Variants in RHOT1 observed in about 807,000 individuals in gnomAD.
The protein encoded by RHOT1 is ras homolog family member T1.
RHOT1 carries 27 observed loss-of-function variants against 95.3 expected under a neutral mutation model. The ratio of observed to expected loss-of-function variants is 0.28; its 90% confidence interval spans 0.21 to 0.39. The LOEUF is 0.39. RHOT1 is among the 10% of genes least tolerant of loss of function. RHOT1 has a pLI of 1.00. For missense variants in RHOT1, 578 were observed against 786.7 expected (o/e 0.73, Z 3.17); for synonymous variants, 227 against 263.5 (o/e 0.86, Z 1.34).
At chr17:32,215,040 G>T (rs1305067713) in intron 19 of RHOT1, among the ~76,000 whole-genome samples, 2 of 151,196 alleles carry the variant, frequency 1.3e-5, no homozygotes, top group Non-Finnish European at 1.5e-5. Flanking sequence ...CGGAGTAGCT[G>T]GGACCACAGG....
chr17:32,166,952 T>G (rs1198756236), intron 1 of RHOT1, among the ~76,000 whole-genome samples: 1 of 152,192 alleles, frequency 6.6e-6, no homozygotes, highest in Non-Finnish European at 1.5e-5. Flanking sequence ...TCCAGAAGGT[T>G]TTTAGTTTAC....
intron 1 of RHOT1, among the ~76,000 whole-genome samples, chr17:32,169,837 C>T (rs2034427559): frequency 6.6e-6 from 1 of 151,792 alleles, no homozygotes. Context: ...GAAACCCTGT[C>T]CCTATTAAAA....
At chr17:32,220,596 A>C (rs1228561605) in intron 19 of RHOT1, among the ~76,000 whole-genome samples, 1 of 152,094 alleles carries the variant, frequency 6.6e-6, no homozygotes, top group Non-Finnish European at 1.5e-5. Context: ...GCACTTTGGG[A>C]GGCTGAGGCA....
intron 8 of RHOT1, among the ~76,000 whole-genome samples, chr17:32,185,393 AACT>A (rs1169214368): frequency 1.3e-5 from 2 of 151,948 alleles, no homozygotes; most frequent in African/African-American, 2.4e-5. Context: ...TATAGGCGTG[AACT>A]ACTGCTCCTG....
chr17:32,150,615 G>A, intron 1 of RHOT1: 3 of 1,587,934 alleles, frequency 1.9e-6, no homozygotes, highest in South Asian at 2.3e-5. Flanking sequence ...TTGTGAGTGA[G>A]AGATACTGAT....
chr17:32,180,417 C>A (rs1315462264), intron 6 of RHOT1, among the ~76,000 whole-genome samples: 1 of 151,962 alleles, frequency 6.6e-6, no homozygotes, highest in East Asian at 1.9e-4. Context: ...GGATTAAGGG[C>A]AGTGCAAGAT....
At chr17:32,149,627 ATATATATATG>A (rs2031964083) in intron 1 of RHOT1, among the ~76,000 whole-genome samples, 3 of 87,210 alleles carry the variant, frequency 3.4e-5, no homozygotes, top group Admixed American at 1.1e-4. Context: ...ATATATATAT[ATATATATATG>A]TGTGTGTGTG....
chr17:32,157,198 C>T (rs1334895274), intron 1 of RHOT1, among the ~76,000 whole-genome samples: 2 of 152,182 alleles, frequency 1.3e-5, no homozygotes, highest in Non-Finnish European at 2.9e-5. Flanking sequence ...TTACATTGTC[C>T]TCTCTTTTCC....
chr17:32,151,706 C>T (rs966679310), intron 1 of RHOT1, among the ~76,000 whole-genome samples: 2 of 151,916 alleles, frequency 1.3e-5, no homozygotes, highest in Non-Finnish European at 2.9e-5. Context: ...CATAGTGAAA[C>T]CCCATACCTA....
At chr17:32,201,088 T>G in intron 14 of RHOT1, 32 bp downstream of exon 14, 4 of 1,321,272 alleles carry the variant, frequency 3.0e-6, no homozygotes, top group Non-Finnish European at 3.2e-6. Context: ...AGCTCATGAT[T>G]AGAGATATTT....
chr17:32,173,761 C>A (rs1165283157), intron 2 of RHOT1, 70 bp from the exon 3 acceptor site: 9 of 980,152 alleles, frequency 9.2e-6, no homozygotes, highest in Admixed American at 2.2e-5. Context: ...AAATTTATAT[C>A]ATCTATTACA....
At chr17:32,160,971 C>G (rs57183140) in intron 1 of RHOT1, among the ~76,000 whole-genome samples, 1,725 of 152,264 alleles carry the variant, frequency 0.011, 34 homozygotes, top group African/African-American at 0.039. Context: ...GACTCCCCAA[C>G]GATCCCGTAA....
intron 19 of RHOT1, among the ~76,000 whole-genome samples, chr17:32,219,187 T>G (rs2038672749): frequency 6.6e-6 from 1 of 152,212 alleles, no homozygotes; most frequent in Non-Finnish European, 1.5e-5. Flanking sequence ...TCTCTGGAGC[T>G]CCTCTGAGTA....
At chr17:32,192,330 ATCT>A (rs2142759628) in intron 9 of RHOT1, 31 bp downstream of exon 9, 50 of 776,026 alleles carry the variant, frequency 6.4e-5, no homozygotes, top group Middle Eastern at 4.1e-4. Context: ...ACATTTGCGT[ATCT>A]TTTTTTTTTT....
intron 18 of RHOT1, among the ~76,000 whole-genome samples, chr17:32,210,715 G>A (rs536264972): frequency 3.3e-5 from 5 of 152,138 alleles, no homozygotes; most frequent in East Asian, 1.9e-4. Flanking sequence ...GGAGGGAATC[G>A]TTATTTAAAC....
At chr17:32,204,111 G>A (rs1279227813) in intron 16 of RHOT1, 138 bp downstream of exon 16, 1 of 635,724 alleles carries the variant, frequency 1.6e-6, no homozygotes, top group Non-Finnish European at 2.6e-6. Context: ...ATTTTTTTTA[G>A]AGACACGGTC....
chr17:32,175,535 C>T (rs2034928045), intron 4 of RHOT1, among the ~76,000 whole-genome samples, 173 bp downstream of exon 4: 2 of 152,200 alleles, frequency 1.3e-5, no homozygotes, highest in South Asian at 4.1e-4. Context: ...TGCCTTATCG[C>T]AACCTCCATC....
At position 32,208,121 on chromosome 17, in the gene RHOT1, C is replaced by T; in HGVS notation, c.1551C>T (p.Asp517=). The change falls in exon 18 of 20, where the codon GAC becomes GAT. Residue 517 remains aspartate, a synonymous_variant. Coordinates refer to ENST00000545287, the MANE Select transcript of RHOT1 (RefSeq NM_001033566.3). ...CARIFKQHFM[D]SRIPCLIVAA... is the part of the protein sequence containing the mutation. ...TTATTCCATAGCAACACTTTATGGA[C>T]AGCAGAATACCTTGCTTAATCGTAG... 1 of 1,613,844 alleles carries T rather than the reference C, an allele frequency of 6.2e-7. No homozygotes were observed. Among genetic ancestry groups the T allele is most frequent in the South Asian group, 1.1e-5 (1 of 91,074 alleles).
chr17:32,189,638 A>G, intron 8 of RHOT1, among the ~76,000 whole-genome samples: 1 of 152,222 alleles, frequency 6.6e-6, no homozygotes. Flanking sequence ...AAAATTTTCA[A>G]CTTTTAAACT....
Sources: allele counts gnomAD v4.1 joint callset (sites outside exome capture counted in the v4.1 genomes callset), GRCh38; gene constraint gnomAD v4.1.1; transcripts MANE v1.5; gene names NCBI Gene and HGNC (gene_info 2026-07-23, HGNC 2026-07-21).